CROCC2: variants seen among roughly 807,000 people sequenced by gnomAD.
CROCC2 encodes the protein ciliary rootlet coiled-coil, rootletin family member 2, also known as ciliary rootlet coiled-coil protein 2.
CROCC2 carries 163 observed loss-of-function variants against 177.6 expected under a neutral mutation model. The ratio of observed to expected loss-of-function variants is 0.92; its 90% CI spans 0.81 to 1.05. The LOEUF (loss-of-function observed/expected upper bound fraction) is 1.05, where lower values mean the gene tolerates loss of function less well. Among genes scored for constraint, CROCC2 ranks in the 50% least tolerant of loss-of-function variants. The probability of loss-of-function intolerance (pLI) is 0.00; values close to 1 mark genes in which losing one functional copy is unlikely to be tolerated. For synonymous variants in CROCC2, 904 were observed against 787.3 expected (o/e 1.15, Z -2.48); for missense variants, 1,929 against 1,797.8 (o/e 1.07, Z -1.32).
chr2:240,927,598 A>G (rs2106458367), intron 5 of CROCC2, among the ~76,000 whole-genome samples: 1 of 152,298 alleles, frequency 6.6e-6, no homozygotes, highest in Non-Finnish European at 1.5e-5. Context: ...TTCCTCATTA[A>G]GAGTTCTGTT....
At chr2:240,939,987 T>G (rs2059487560) in intron 14 of CROCC2, among the ~76,000 whole-genome samples, 1 of 152,234 alleles carries the variant, frequency 6.6e-6, no homozygotes, top group African/African-American at 2.4e-5. Flanking sequence ...GAATGTGTAT[T>G]ATGCTATTGC....
chr2:240,970,905 C>T (rs913484740), intron 27 of CROCC2, among the ~76,000 whole-genome samples: 3 of 152,230 alleles, frequency 2.0e-5, no homozygotes, highest in Non-Finnish European at 4.4e-5. Context: ...CTGGGTCTCA[C>T]AGTCATGGGG....
intron 27 of CROCC2, among the ~76,000 whole-genome samples, chr2:240,975,656 C>A (rs994686033): frequency 4.0e-5 from 6 of 151,424 alleles, no homozygotes; most frequent in African/African-American, 1.5e-4. Flanking sequence ...GCCTTCCATG[C>A]AAGCCCTTCA....
At chr2:240,923,426 G>A (rs1446320046) in intron 4 of CROCC2, among the ~76,000 whole-genome samples, 1 of 148,878 alleles carries the variant, frequency 6.7e-6, no homozygotes, top group Non-Finnish European at 1.5e-5. Flanking sequence ...CCTCTGCCCG[G>A]CCCCCACCCT....
Position 240,922,536 on chromosome 2 carries a change from C to G in CROCC2, c.382-3C>G, listed in dbSNP as rs1192375401. On this transcript the variant is annotated splice_polypyrimidine_tract_variant and splice_region_variant and intron_variant, in intron 3 of 31. Transcript: ENST00000690015. Reference sequence around the variant, plus strand: ...GACCAGGTGGGCTATTGCTCCTCCCCAGCTGCAGGCCCGGCTGGAGACCAC... The same window carrying G: ...GACCAGGTGGGCTATTGCTCCTCCCGAGCTGCAGGCCCGGCTGGAGACCAC... The G allele has an allele frequency of 2.9e-6, 2 of 694,898 alleles. No homozygotes were observed. The highest frequency in any genetic ancestry group is 3.5e-5 in the African/African-American group (2 of 56,424). 43.0% of individuals were successfully genotyped at this position (694,898 alleles called of 1,614,324 possible). A position where few individuals can be genotyped will look rare whatever the true frequency, so the allele number is the denominator to read the frequency against.
At chr2:240,959,254 C>A (rs1240981302) in intron 19 of CROCC2, 47 bp from the exon 20 acceptor site, 3 of 1,541,814 alleles carry the variant, frequency 1.9e-6, no homozygotes, top group East Asian at 2.4e-5. Context: ...CCCTCCACTG[C>A]TGGGCCCAGC....
chr2:240,963,638 G>A lies in CROCC2; in HGVS notation c.3170G>A (p.Ser1057Asn), dbSNP rs1202721119. ...CAGGAGCTGCAGGGCGTCGAGGAGAGCCGGGAGGGGCTGCACAGGGAGGCC... is the reference window on the plus strand; with the variant it reads ...CAGGAGCTGCAGGGCGTCGAGGAGAACCGGGAGGGGCTGCACAGGGAGGCC... ...LRQELQGVEE[S>N]REGLHREAQE... The change falls in exon 21 of 32, where the codon AGC (serine) becomes AAC (asparagine). Residue 1057 changes from serine to asparagine, a missense_variant. Ser to Asn is a conservative substitution (Grantham distance 46). Coordinates refer to ENST00000690015, the MANE Select transcript of CROCC2 (RefSeq NM_001351305.2). The A allele has an allele frequency of 6.5e-7, 1 of 1,549,742 alleles. No homozygotes were observed. Among genetic ancestry groups the A allele is most frequent in the East Asian group, 2.4e-5 (1 of 40,916 alleles).
chr2:240,935,746 G>T (rs10200156), intron 14 of CROCC2, among the ~76,000 whole-genome samples, 158 bp downstream of exon 14: 47,314 of 151,664 alleles, frequency 0.31, 8,058 homozygotes, highest in Middle Eastern at 0.49. Context: ...TCCCCGTGGG[G>T]GTGGGGGCAG....
intron 1 of CROCC2, among the ~76,000 whole-genome samples, chr2:240,910,268 T>A (rs2059279010): frequency 6.9e-6 from 1 of 144,802 alleles, no homozygotes; most frequent in Middle Eastern, 3.2e-3. Context: ...CCTCGGAATC[T>A]CCAGCACCCA....
Position 240,949,133 on chromosome 2 carries a change from A to C in CROCC2, c.2482+36A>C, listed in dbSNP as rs746277501. 1.3e-6 allele frequency: 2 copies of C among 1,493,020 alleles called. No homozygotes were observed. The highest frequency in any genetic ancestry group is 2.7e-5 in the South Asian group (2 of 73,522). The allele number at this position is 1,493,020 out of a possible 1,614,324, so 92.5% of individuals were successfully genotyped here. ...GGCGCTCCCTCAGCTCCTTCCCCGA[A>C]AGTCAGCCATGGAGGGGCCCCTGGA... On this transcript the variant is annotated intron_variant, in intron 16 of 31. Coordinates refer to ENST00000690015, the MANE Select transcript of CROCC2 (RefSeq NM_001351305.2). This position sits in a 1 kb window ranked among gnomAD's most constrained non-coding sequence, Gnocchi z 4.5.
chr2:240,931,135 G>A lies in CROCC2; in HGVS notation c.947+7G>A, dbSNP rs973631883. The A allele has an allele frequency of 8.2e-5, 58 of 707,336 alleles. No homozygotes were observed. In the Middle Eastern group the frequency reaches 8.8e-4, roughly 11 times the overall value. 43.8% of individuals were successfully genotyped at this position (707,336 alleles called of 1,614,324 possible). The stretch of plus-strand genomic sequence containing the variant: ...AGGTGGCGCTCCAGGCCAGGTGGGC[G>A]CCCAGGGCCAGCAAGCTTGCACAGG... On this transcript the variant is annotated splice_region_variant and intron_variant, in intron 7 of 31. Coordinates refer to ENST00000690015, the MANE Select transcript of CROCC2 (RefSeq NM_001351305.2).
chr2:240,921,650 A>C (rs1369635630), intron 3 of CROCC2, among the ~76,000 whole-genome samples: 3 of 152,162 alleles, frequency 2.0e-5, no homozygotes, highest in Non-Finnish European at 4.4e-5. Flanking sequence ...AGTTACCCCC[A>C]AGACAGGCGG....
In CROCC2 at chr2:240,933,745, G is replaced by A. The variant is rs2059449007; in HGVS notation, c.1539G>A (p.Gly513=). ...KADAADAEKQ[G]LEAEAAELQR... ...ATGCTGCAGATGCGGAGAAGCAGGG[G>A]CTGGAGGCCGAGGCTGCAGAGCTGC... is the stretch of plus-strand genomic sequence containing the variant. The change falls in exon 11 of 32, where the codon GGG becomes GGA. Residue 513 remains glycine, a synonymous_variant. Coordinates refer to ENST00000690015, the MANE Select transcript of CROCC2 (RefSeq NM_001351305.2). The A allele has an allele frequency of 1.3e-6, 2 of 1,549,954 alleles. No individual in the cohort carries two copies. Among genetic ancestry groups the A allele is most frequent in the African/African-American group, 2.7e-5 (2 of 73,046 alleles).
At chr2:240,962,014 ACACACACACACACACGCACG>A (rs72234008) in intron 20 of CROCC2, among the ~76,000 whole-genome samples, 557 of 21,316 alleles carry the variant, frequency 0.026, no homozygotes, top group African/African-American at 0.091. Context: ...CATCACCCAC[ACACACACACACACACGCACG>A]CACACACGCG....
At chr2:240,963,473 C>G in intron 20 of CROCC2, 83 bp from the exon 21 acceptor site, 1 of 1,370,556 alleles carries the variant, frequency 7.3e-7, no homozygotes, top group Non-Finnish European at 9.7e-7. Context: ...CCTGCCACAC[C>G]ATGTCAGAGG....
intron 31 of CROCC2, among the ~76,000 whole-genome samples, chr2:240,991,615 T>C (rs1039188275): frequency 3.3e-5 from 5 of 152,182 alleles, no homozygotes; most frequent in Non-Finnish European, 7.3e-5. Flanking sequence ...TGCGGGTCGC[T>C]CATCTCTGAC....
chr2:240,916,976 C>G (rs886682425), intron 1 of CROCC2, among the ~76,000 whole-genome samples: 9 of 152,182 alleles, frequency 5.9e-5, no homozygotes, highest in Non-Finnish European at 1.2e-4. Flanking sequence ...TGGGTCCCAG[C>G]TGGGCCCAGG....
rs1372808815 is a variant in CROCC2, at chr2:240,973,922, C to T, written c.4401+5660C>T. Among the ~76,000 whole-genome samples, 5 of 152,370 alleles carry T rather than the reference C, an allele frequency of 3.3e-5. No homozygotes were observed. Among genetic ancestry groups the T allele is most frequent in the South Asian group, 4.1e-4 (2 of 4,832 alleles). On this transcript the variant is annotated intron_variant, in intron 27 of 31. Transcript: ENST00000690015. This position sits in a 1 kb window ranked among gnomAD's most constrained non-coding sequence, Gnocchi z 4.7. ...ATTGAACTCCCCTGTACATATTCCG[C>T]AGCTGTCATCATAAAGAATACACTT...
Position 240,935,511 on chromosome 2 carries a change from C to T in CROCC2, c.2092C>T (p.Gln698Ter). The T allele has an allele frequency of 7.4e-7, 1 of 1,349,012 alleles. No individual in the cohort carries two copies. The allele number at this position is 1,349,012 out of a possible 1,614,324, so 83.6% of individuals were successfully genotyped here. The change falls in exon 14 of 32, where the codon CAG (glutamine) becomes TAG (stop). Residue 698 changes from glutamine (Q) to a stop codon, truncating the protein, a stop_gained. Transcript: ENST00000690015. LOFTEE classifies it high-confidence loss of function. ...GLQQACGRLE[Q>*]RQEQLEGQAA... ...GCAGCAGGCCTGCGGACGCCTGGAG[C>T]AGCGGCAGGAGCAGCTGGAGGGGCA...
Sources: gnomAD v4.1 joint callset for allele counts (sites outside exome capture counted in the v4.1 genomes callset) on GRCh38, gnomAD v4.1.1 for gene constraint, Gnocchi (gnomAD v3.1) non-coding constraint, MANE v1.5 for transcripts, NCBI Gene and HGNC (gene_info 2026-07-23, HGNC 2026-07-21) for gene names.